Variants in GRIK3 observed in about 807,000 individuals in gnomAD.
GRIK3 encodes the protein glutamate ionotropic receptor kainate type subunit 3, also known as glutamate receptor ionotropic, kainate 3.
A neutral mutation model predicts 102.5 loss-of-function variants in GRIK3; 29 were observed. That is an observed-to-expected ratio of 0.28 (90% CI 0.21 to 0.39). GRIK3 has a LOEUF of 0.39. Ranked by LOEUF, GRIK3 falls within the 10% of genes least tolerant of loss-of-function variation. The pLI is 1.00. For synonymous variants in GRIK3, 511 were observed against 504.9 expected (o/e 1.01, Z -0.16); for missense variants, 908 against 1,252.4 (o/e 0.73, Z 4.15).
chr1:36,951,881 G>A (rs1420856494), intron 1 of GRIK3, among the ~76,000 whole-genome samples: 1 of 152,176 alleles, frequency 6.6e-6, no homozygotes, highest in Non-Finnish European at 1.5e-5. Flanking sequence ...ACCACAGGAG[G>A]CAGGGCAGGT....
rs149315918 is a variant in GRIK3 at position 36,965,552 on chromosome 1, A to G, written c.115+68442T>C. 4.6e-3 allele frequency among the ~76,000 whole-genome samples: 694 copies of G among 152,158 alleles called. 7 individuals carry two copies. The highest frequency in any genetic ancestry group is 0.016 in the African/African-American group (664 of 41,506). ...AGATGAGACTCTGGGGGTTAACTAG[A>G]AATGGGGGGAGAGAGGTCCCAGGGG... On this transcript the variant is annotated intron_variant, in intron 1 of 15. Transcript: ENST00000373091.
intron 1 of GRIK3, among the ~76,000 whole-genome samples, chr1:36,955,212 T>C (rs1046826173): frequency 6.6e-6 from 1 of 152,008 alleles, no homozygotes; most frequent in Admixed American, 6.5e-5. Context: ...CCTAAATAAG[T>C]GACAGCCCAC....
At chr1:36,962,879 C>A (rs1642029853) in intron 1 of GRIK3, among the ~76,000 whole-genome samples, 1 of 114,406 alleles carries the variant, frequency 8.7e-6, no homozygotes, top group African/African-American at 4.1e-5. Context: ...GCGAGACTCC[C>A]TCTCAAAAAA....
intron 1 of GRIK3, among the ~76,000 whole-genome samples, chr1:37,023,886 T>C (rs1188854900): frequency 6.6e-6 from 1 of 152,180 alleles, no homozygotes; most frequent in Non-Finnish European, 1.5e-5. Flanking sequence ...TAGGCTCTGG[T>C]GGTCCAGAAA....
chr1:36,945,385 G>T (rs924462222), intron 1 of GRIK3, among the ~76,000 whole-genome samples: 1 of 152,188 alleles, frequency 6.6e-6, no homozygotes, highest in African/African-American at 2.4e-5. Context: ...CCAGGCCTGG[G>T]GCCTCTGCCT....
chr1:36,949,848 G>A (rs1641825202), intron 1 of GRIK3, among the ~76,000 whole-genome samples: 1 of 151,864 alleles, frequency 6.6e-6, no homozygotes, highest in African/African-American at 2.4e-5. Flanking sequence ...CAAAGTGCTG[G>A]GACTACAGGC....
Position 36,866,158 on chromosome 1 carries a change from G to C in GRIK3, c.786+3590C>G, listed in dbSNP as rs367837825. On this transcript the variant is annotated intron_variant, in intron 5 of 15. Transcript: ENST00000373091. ...GCCTCCCAAAGAGTTGGGATTACTGGTGTGAGCCACAATGTCCAGCCCTAA... is the reference window on the plus strand; with the variant it reads ...GCCTCCCAAAGAGTTGGGATTACTGCTGTGAGCCACAATGTCCAGCCCTAA... Among the ~76,000 whole-genome samples, 55 of 152,376 alleles carry C rather than the reference G, an allele frequency of 3.6e-4. 1 individual carries two copies. The highest frequency in any genetic ancestry group is 1.2e-3 in the East Asian group (6 of 5,184).
chr1:36,968,193 TTCTC>T (rs1006123209), intron 1 of GRIK3, among the ~76,000 whole-genome samples: 2 of 151,528 alleles, frequency 1.3e-5, no homozygotes, highest in Non-Finnish European at 2.9e-5. Context: ...TCACCTGCTC[TTCTC>T]TCTCTCTTTC....
intron 1 of GRIK3, among the ~76,000 whole-genome samples, chr1:37,032,399 CT>C (rs890168213): frequency 1.3e-5 from 2 of 152,038 alleles, no homozygotes; most frequent in Non-Finnish European, 1.5e-5. Context: ...GTCCCCCCAC[CT>C]TTTTCCCCAA....
At chr1:36,904,614 G>A (rs546910122) in intron 1 of GRIK3, among the ~76,000 whole-genome samples, 1 of 152,254 alleles carries the variant, frequency 6.6e-6, no homozygotes, top group African/African-American at 2.4e-5. Context: ...ACAGCTTAAT[G>A]TCCAAAAGCA....
At chr1:37,014,878 C>CTT (rs1642637360) in intron 1 of GRIK3, among the ~76,000 whole-genome samples, 3 of 96,972 alleles carry the variant, frequency 3.1e-5, no homozygotes, top group East Asian at 4.9e-4. Context: ...TTTCTTTTCT[C>CTT]ATCTATTCTC....
Position 36,872,108 on chromosome 1 carries a change from C to T in GRIK3, c.732+80G>A. ...GTCAAACTTAGATCTGGCAGCATCACACCCACATTTGGGAAGGGGACGTGG... is the reference window on the plus strand; with the variant it reads ...GTCAAACTTAGATCTGGCAGCATCATACCCACATTTGGGAAGGGGACGTGG... On this transcript the variant is annotated intron_variant, in intron 4 of 15. Transcript: ENST00000373091. This position sits in a 1 kb window ranked among gnomAD's most constrained non-coding sequence, Gnocchi z 5.9. The T allele has an allele frequency of 3.0e-6, 4 of 1,325,228 alleles. No individual in the cohort carries two copies. Among genetic ancestry groups the T allele is most frequent in the Non-Finnish European group, 4.1e-6 (4 of 967,930 alleles). The allele number at this position is 1,325,228 out of a possible 1,614,324, so 82.1% of individuals were successfully genotyped here.
chr1:36,899,267 G>A (rs1437749219), intron 1 of GRIK3, among the ~76,000 whole-genome samples: 1 of 152,142 alleles, frequency 6.6e-6, no homozygotes, highest in Non-Finnish European at 1.5e-5. Context: ...GAAGATATTT[G>A]CAAATCATAC....
At chr1:36,952,642 GT>G (rs1641858812) in intron 1 of GRIK3, among the ~76,000 whole-genome samples, 1 of 152,252 alleles carries the variant, frequency 6.6e-6, no homozygotes, top group African/African-American at 2.4e-5. Context: ...CGGGTCAACA[GT>G]GGGGAGGAAC....
At chr1:36,991,341 G>A (rs528123251) in intron 1 of GRIK3, among the ~76,000 whole-genome samples, 1 of 152,282 alleles carries the variant, frequency 6.6e-6, no homozygotes, top group Admixed American at 6.5e-5. Context: ...TGACCCTAAA[G>A]GGGCCACAGA....
intron 1 of GRIK3, among the ~76,000 whole-genome samples, chr1:37,017,934 C>A (rs1642671410): frequency 6.6e-6 from 1 of 152,144 alleles, no homozygotes; most frequent in African/African-American, 2.4e-5. Flanking sequence ...GGGCCAAGAG[C>A]TCCACCCTCA....
intron 1 of GRIK3, among the ~76,000 whole-genome samples, chr1:37,013,046 A>T (rs1570865532): frequency 1.3e-5 from 2 of 152,216 alleles, no homozygotes; most frequent in East Asian, 3.8e-4. Context: ...TTTAATGGAC[A>T]CACAGTTCCA....
intron 1 of GRIK3, among the ~76,000 whole-genome samples, chr1:36,930,890 A>G (rs551313327): frequency 6.6e-6 from 1 of 152,248 alleles, no homozygotes; most frequent in Non-Finnish European, 1.5e-5. Context: ...GAGCTCAGCC[A>G]ACGAAACAGG....
At chr1:36,958,109 C>A (rs1163116337) in intron 1 of GRIK3, among the ~76,000 whole-genome samples, 1 of 74,682 alleles carries the variant, frequency 1.3e-5, no homozygotes, top group African/African-American at 6.9e-5. Flanking sequence ...CTGTGTGCCC[C>A]GTGAGTCTGT....
Sources: gnomAD v4.1 joint callset for allele counts (sites outside exome capture counted in the v4.1 genomes callset) on GRCh38, gnomAD v4.1.1 for gene constraint, Gnocchi (gnomAD v3.1) non-coding constraint, MANE v1.5 for transcripts, NCBI Gene and HGNC (gene_info 2026-07-23, HGNC 2026-07-21) for gene names.